Variants in ZSWIM6 observed in about 807,000 individuals in gnomAD.
ZSWIM6 encodes zinc finger SWIM-type containing 6, also known as zinc finger SWIM domain-containing protein 6.
In ZSWIM6, 9 loss-of-function variants were observed where a neutral mutation model predicts 113.2. The ratio of observed to expected loss-of-function variants is 0.08; its 90% CI spans 0.05 to 0.14. ZSWIM6 has a LOEUF of 0.14. Among genes scored for constraint, ZSWIM6 ranks in the 10% least tolerant of loss-of-function variants. The probability of loss-of-function intolerance (pLI) is 1.00; values close to 1 mark genes in which losing one functional copy is unlikely to be tolerated. For missense variants in ZSWIM6, 1,162 were observed against 1,552.2 expected (o/e 0.75, Z 4.22); for synonymous variants, 611 against 606.5 (o/e 1.01, Z -0.11).
intron 1 of ZSWIM6, among the ~76,000 whole-genome samples, chr5:61,361,059 T>C (rs1745024410): frequency 6.6e-6 from 1 of 151,996 alleles, no homozygotes; most frequent in Admixed American, 6.6e-5. Context: ...TCCTTGTGTG[T>C]GTGTGTTTGT....
chr5:61,533,161 T>C (rs374917537), intron 9 of ZSWIM6, among the ~76,000 whole-genome samples: 1 of 152,242 alleles, frequency 6.6e-6, no homozygotes, highest in African/African-American at 2.4e-5. Context: ...TGTTGACTCA[T>C]CTCTGCCTCT....
chr5:61,481,014 C>G (rs1747847822), intron 2 of ZSWIM6, among the ~76,000 whole-genome samples: 1 of 152,054 alleles, frequency 6.6e-6, no homozygotes, highest in African/African-American at 2.4e-5. Context: ...TTTGAGAAAT[C>G]AATTTTAACA....
At chr5:61,505,689 TCCCTCCCTTCCTTCCTC>T in intron 4 of ZSWIM6, among the ~76,000 whole-genome samples, 1 of 111,544 alleles carries the variant, frequency 9.0e-6, no homozygotes, top group African/African-American at 3.8e-5. Context: ...CTTGCCTCCC[TCCCTCCCTTCCTTCCTC>T]CCTTCCTTCC....
At position 61,531,454 on chromosome 5, in the gene ZSWIM6, G is replaced by T. The variant is rs971354272; in HGVS notation, c.1985-11G>T. 2 of 1,530,130 alleles carry T rather than the reference G, an allele frequency of 1.3e-6. No homozygotes were observed. The highest frequency in any genetic ancestry group is 1.2e-5 in the South Asian group (1 of 83,300). 94.8% of individuals were successfully genotyped at this position (1,530,130 alleles called of 1,614,324 possible). Reference sequence around the variant, plus strand: ...TTTCTGAGCTCTGATTTCTTTTGTGGCATTTTGCAGAGAATATGGGACAGT... The same window carrying T: ...TTTCTGAGCTCTGATTTCTTTTGTGTCATTTTGCAGAGAATATGGGACAGT... On this transcript the variant is annotated splice_polypyrimidine_tract_variant and intron_variant, in intron 8 of 13. Coordinates refer to ENST00000252744, the MANE Select transcript of ZSWIM6 (RefSeq NM_020928.2).
intron 1 of ZSWIM6, among the ~76,000 whole-genome samples, chr5:61,338,169 T>C (rs1006179166): frequency 2.8e-4 from 42 of 152,058 alleles, no homozygotes; most frequent in African/African-American, 9.9e-4. Flanking sequence ...TGTGTGTTTT[T>C]TTTTTTTGTG....
chr5:61,543,793 T>C lies in ZSWIM6; in HGVS notation c.3124T>C (p.Tyr1042His). 6.4e-7 allele frequency: 1 copy of C among 1,551,732 alleles called. No individual in the cohort carries two copies. The highest frequency in any genetic ancestry group is 8.7e-7 in the Non-Finnish European group (1 of 1,146,948). Residue 1042 changes from tyrosine (Y) to histidine (H), a missense_variant, in exon 14 of 14, where the codon TAC becomes CAC. Physicochemically the swap from Tyr to His is moderately conservative, Grantham distance 83. This residue lies in a region of ZSWIM6 where 620 missense variants were observed against 804.6 expected (regional missense o/e 0.77). Coordinates refer to ENST00000252744, the MANE Select transcript of ZSWIM6 (RefSeq NM_020928.2). The surrounding 1 kb of genome is among the most constrained non-coding windows in gnomAD (Gnocchi z 4.3). ...AGCACGGTACATGGAGCACCGCGGGTACCCCATGAGGGCCTACAAGCTGGC... is the reference window on the plus strand; with the variant it reads ...AGCACGGTACATGGAGCACCGCGGGCACCCCATGAGGGCCTACAAGCTGGC... ...TIARYMEHRG[Y>H]PMRAYKLATL...
chr5:61,338,142 T>C (rs1744444440), intron 1 of ZSWIM6, among the ~76,000 whole-genome samples: 1 of 146,692 alleles, frequency 6.8e-6, no homozygotes, highest in South Asian at 2.2e-4. Flanking sequence ...TCTTTTCATA[T>C]TCATAACTTA....
chr5:61,353,578 G>A (rs1744834584), intron 1 of ZSWIM6, among the ~76,000 whole-genome samples: 1 of 152,102 alleles, frequency 6.6e-6, no homozygotes, highest in East Asian at 1.9e-4. Flanking sequence ...TCTGAGCAGT[G>A]TTTCACTACT....
chr5:61,510,497 A>G (rs879698894), intron 4 of ZSWIM6, among the ~76,000 whole-genome samples: 1 of 136,356 alleles, frequency 7.3e-6, no homozygotes, highest in Non-Finnish European at 1.6e-5. Flanking sequence ...TTGTGTGACG[A>G]ATGCTTTTTT....
intron 1 of ZSWIM6, among the ~76,000 whole-genome samples, chr5:61,355,278 A>ACTGGGTGC (rs1744874781): frequency 1.3e-5 from 2 of 152,116 alleles, no homozygotes; most frequent in African/African-American, 4.8e-5. Context: ...GTGGAGGCCT[A>ACTGGGTGC]CAGTGGCTCC....
intron 5 of ZSWIM6, 27 bp from the exon 6 acceptor site, chr5:61,525,773 C>G: frequency 6.4e-7 from 1 of 1,550,566 alleles, no homozygotes; most frequent in Non-Finnish European, 8.7e-7. Context: ...ATAGCTGACA[C>G]GGCTTTCTGA....
At chr5:61,417,659 A>T (rs979704970) in intron 1 of ZSWIM6, among the ~76,000 whole-genome samples, 3 of 152,220 alleles carry the variant, frequency 2.0e-5, no homozygotes, top group African/African-American at 7.2e-5. Context: ...AGCTAATCGG[A>T]TCCTTACCAC....
chr5:61,535,380 A>ATT, intron 9 of ZSWIM6, 104 bp from the exon 10 acceptor site: 1 of 1,319,236 alleles, frequency 7.6e-7, no homozygotes, highest in Admixed American at 2.2e-5. Context: ...TGAAATTCTT[A>ATT]TTTGTATATG....
chr5:61,456,239 G>GA (rs1418335728), intron 1 of ZSWIM6, among the ~76,000 whole-genome samples: 1 of 151,954 alleles, frequency 6.6e-6, no homozygotes, highest in Non-Finnish European at 1.5e-5. Flanking sequence ...TATTTATTTA[G>GA]AAAAAATCTG....
chr5:61,461,710 AG>A (rs1374423747), intron 1 of ZSWIM6, among the ~76,000 whole-genome samples: 3 of 152,190 alleles, frequency 2.0e-5, no homozygotes, highest in African/African-American at 7.2e-5. Flanking sequence ...TTCTTCACTC[AG>A]GAAGACTTTG....
intron 1 of ZSWIM6, among the ~76,000 whole-genome samples, chr5:61,360,482 A>G (rs1745011337): frequency 6.6e-6 from 1 of 152,232 alleles, no homozygotes; most frequent in Non-Finnish European, 1.5e-5. Context: ...CTAAGGTCAC[A>G]TAGCTATTAT....
At chr5:61,490,763 A>T (rs1315880312) in intron 2 of ZSWIM6, 23 bp from the exon 3 acceptor site, 1 of 1,542,874 alleles carries the variant, frequency 6.5e-7, no homozygotes, top group East Asian at 2.5e-5. Flanking sequence ...CCTGTGTGTT[A>T]TTATTTTTCT....
intron 1 of ZSWIM6, among the ~76,000 whole-genome samples, chr5:61,453,474 C>T (rs1047140177): frequency 1.3e-5 from 2 of 151,312 alleles, no homozygotes; most frequent in African/African-American, 4.9e-5. Context: ...CTCCTGGGCT[C>T]AAGTGATCCT....
intron 1 of ZSWIM6, among the ~76,000 whole-genome samples, chr5:61,426,211 A>C (rs1746459704): frequency 6.6e-6 from 1 of 152,216 alleles, no homozygotes; most frequent in Admixed American, 6.5e-5. Flanking sequence ...AAATATAAAC[A>C]CTATACTTAT....
Sources: allele counts gnomAD v4.1 joint callset (sites outside exome capture counted in the v4.1 genomes callset), GRCh38; gene constraint gnomAD v4.1.1; regional missense constraint gnomAD v4.1.1; non-coding constraint Gnocchi (gnomAD v3.1); transcripts MANE v1.5; gene names NCBI Gene and HGNC (gene_info 2026-07-23, HGNC 2026-07-21).